Variants in AP1G1 observed in about 807,000 individuals in gnomAD.
The protein encoded by AP1G1 is AP-1 complex subunit gamma-1.
A neutral mutation model predicts 108.3 loss-of-function variants in AP1G1; 7 were observed. The observed-to-expected ratio is 0.06, with a 90% confidence interval of 0.04 to 0.12. The LOEUF (loss-of-function observed/expected upper bound fraction) is 0.12, where lower values mean the gene tolerates loss of function less well. Among genes scored for constraint, AP1G1 ranks in the 10% least tolerant of loss-of-function variants. AP1G1 has a pLI of 1.00. For synonymous variants in AP1G1, 379 were observed against 353.5 expected (o/e 1.07, Z -0.81); for missense variants, 756 against 1,010.7 (o/e 0.75, Z 3.42).
chr16:71,799,936 A>G (rs1374139496), intron 1 of AP1G1, among the ~76,000 whole-genome samples: 7 of 149,464 alleles, frequency 4.7e-5, no homozygotes, highest in Admixed American at 2.0e-4. Flanking sequence ...AAAAAATTAT[A>G]TTGGCTGGGT....
intron 1 of AP1G1, chr16:71,808,528 G>A (rs1021848147): frequency 7.8e-7 from 1 of 1,280,288 alleles, no homozygotes; most frequent in Admixed American, 2.3e-5. Flanking sequence ...CCACAACACG[G>A]AACGCCGCGG....
chr16:71,735,609 C>A (rs1028761020), intron 21 of AP1G1, among the ~76,000 whole-genome samples: 2 of 150,806 alleles, frequency 1.3e-5, no homozygotes, highest in African/African-American at 4.9e-5. Flanking sequence ...TGAGCCGAGA[C>A]TGTGCCACTG....
chr16:71,745,680 C>CATAGTTAATGGTGATT, intron 17 of AP1G1, 66 bp from the exon 18 acceptor site: 1 of 1,378,894 alleles, frequency 7.3e-7, no homozygotes, highest in Non-Finnish European at 1.0e-6. Flanking sequence ...AAATAATCAC[C>CATAGTTAATGGTGATT]ATTAACTATG....
At chr16:71,736,098 C>CAAAAAAAAAAAAAAAAAAAAAA (rs1213680207) in intron 21 of AP1G1, among the ~76,000 whole-genome samples, 1 of 25,426 alleles carries the variant, frequency 3.9e-5, no homozygotes, top group Non-Finnish European at 5.9e-5. Flanking sequence ...GACTCCATCT[C>CAAAAAAAAAAAAAAAAAAAAAA]AAAAAAAAAA....
chr16:71,772,985 G>A, intron 4 of AP1G1: 1 of 597,666 alleles, frequency 1.7e-6, no homozygotes, highest in South Asian at 1.6e-5. Context: ...TTTAGAATCA[G>A]ATAACTTAGG....
chr16:71,752,691 G>T (rs189228567), intron 13 of AP1G1, among the ~76,000 whole-genome samples: 5 of 152,154 alleles, frequency 3.3e-5, no homozygotes, highest in South Asian at 2.1e-4. Flanking sequence ...ACAATTTAAG[G>T]CTTTTCCTAC....
At chr16:71,767,762 T>G in intron 6 of AP1G1, 2 of 1,070,308 alleles carry the variant, frequency 1.9e-6, no homozygotes, top group South Asian at 2.7e-5. Flanking sequence ...ACTCACAGTA[T>G]TAAGCACAGC....
intron 1 of AP1G1, among the ~76,000 whole-genome samples, chr16:71,796,527 T>A (rs1201594287): frequency 2.6e-5 from 4 of 152,176 alleles, no homozygotes; most frequent in Non-Finnish European, 4.4e-5. Flanking sequence ...CCCCCCCTTG[T>A]GAATTACAAT....
At chr16:71,808,727 C>T (rs962490512) in intron 1 of AP1G1, 36 bp downstream of exon 1, 2 of 1,286,862 alleles carry the variant, frequency 1.6e-6, no homozygotes, top group Non-Finnish European at 2.0e-6. Context: ...GGGGCAAAAG[C>T]AGCAATATGC....
At chr16:71,776,118 T>C (rs1054062140) in intron 2 of AP1G1, among the ~76,000 whole-genome samples, 12 of 152,210 alleles carry the variant, frequency 7.9e-5, no homozygotes, top group African/African-American at 1.7e-4. Flanking sequence ...TACCTGTGTA[T>C]ACAGGAAGCT....
chr16:71,748,574 C>G (rs958132232), intron 15 of AP1G1, among the ~76,000 whole-genome samples, 196 bp from the exon 16 acceptor site: 2 of 152,040 alleles, frequency 1.3e-5, no homozygotes, highest in Non-Finnish European at 2.9e-5. Context: ...AAAAAAAGTG[C>G]TCTGGTTCTA....
chr16:71,784,554 A>G (rs995212376), intron 2 of AP1G1, among the ~76,000 whole-genome samples: 4 of 152,000 alleles, frequency 2.6e-5, no homozygotes, highest in African/African-American at 9.7e-5. Flanking sequence ...CAGGGCTAAG[A>G]TATTTTTTTG....
intron 15 of AP1G1, 49 bp downstream of exon 15, chr16:71,749,845 A>T: frequency 1.4e-6 from 2 of 1,480,874 alleles, no homozygotes; most frequent in Non-Finnish European, 1.9e-6. Flanking sequence ...ACTCTCCTAT[A>T]ACCAAAACCA....
intron 4 of AP1G1, 139 bp from the exon 5 acceptor site, chr16:71,771,391 T>C (rs1030826934): frequency 1.8e-6 from 1 of 565,742 alleles, no homozygotes; most frequent in Non-Finnish European, 3.1e-6. Flanking sequence ...AGGTTAGATA[T>C]TAGATTTATG....
intron 9 of AP1G1, among the ~76,000 whole-genome samples, chr16:71,763,899 T>C (rs1419650291): frequency 6.6e-6 from 1 of 152,212 alleles, no homozygotes; most frequent in Non-Finnish European, 1.5e-5. Context: ...TGAAAAATTG[T>C]CATTAGAATA....
At chr16:71,780,669 C>T (rs924530508) in intron 2 of AP1G1, among the ~76,000 whole-genome samples, 2 of 151,914 alleles carry the variant, frequency 1.3e-5, no homozygotes, top group African/African-American at 2.4e-5. Flanking sequence ...CTTGCTCTAT[C>T]GCCCAAGCTG....
chr16:71,760,264 C>T (rs1294534095), intron 10 of AP1G1, among the ~76,000 whole-genome samples: 3 of 148,906 alleles, frequency 2.0e-5, no homozygotes, highest in Non-Finnish European at 3.0e-5. Context: ...GGGTCTCGGC[C>T]AGGTGTGGTG....
At chr16:71,765,129 C>T (rs565272927) in intron 7 of AP1G1, among the ~76,000 whole-genome samples, 43 of 152,258 alleles carry the variant, frequency 2.8e-4, no homozygotes, top group Admixed American at 3.3e-4. Context: ...CTACTTGAGT[C>T]CAGGAGTTTG....
At chr16:71,741,040 A>T (rs1048798788) in intron 19 of AP1G1, among the ~76,000 whole-genome samples, 1 of 152,232 alleles carries the variant, frequency 6.6e-6, no homozygotes, top group Non-Finnish European at 1.5e-5. Flanking sequence ...TGACAATCAT[A>T]CAATAGAAGA....
Sources: allele counts gnomAD v4.1 joint callset (sites outside exome capture counted in the v4.1 genomes callset), GRCh38; gene constraint gnomAD v4.1.1; transcripts MANE v1.5; gene names NCBI Gene and HGNC (gene_info 2026-07-23, HGNC 2026-07-21).